Variants in PDE4D observed in about 807,000 individuals in gnomAD.
PDE4D encodes the protein phosphodiesterase 4D, also known as 3',5'-cyclic-AMP phosphodiesterase 4D.
A neutral mutation model predicts 87.4 loss-of-function variants in PDE4D; 24 were observed. The observed-to-expected ratio is 0.27, with a 90% CI of 0.20 to 0.39. The LOEUF is 0.39. Among genes scored for constraint, PDE4D ranks in the 10% least tolerant of loss-of-function variants. PDE4D has a pLI of 1.00. For synonymous variants in PDE4D, 384 were observed against 383.2 expected (o/e 1.00, Z -0.02); for missense variants, 714 against 1,041.0 (o/e 0.69, Z 4.32).
rs1403879897 is a variant in PDE4D, at chr5:59,399,909, A to G, written c.456-183941T>C. Among the ~76,000 whole-genome samples, 4 of 112,930 alleles carry G rather than the reference A, an allele frequency of 3.5e-5. 2 individuals carry two copies. Among genetic ancestry groups the G allele is most frequent in the South Asian group, 6.5e-4 (2 of 3,072 alleles). 74.1% of individuals were successfully genotyped at this position (112,930 alleles called of 152,430 possible). A position where few individuals can be genotyped will look rare whatever the true frequency, so the allele number is the denominator to read the frequency against. On this transcript the variant is annotated intron_variant, in intron 1 of 14. Coordinates refer to ENST00000340635, the MANE Select transcript of PDE4D (RefSeq NM_001104631.2). ...AAGAAAAAAACAAATAACCCCATCA[A>G]AAAGTGGGCGAAGGACATGAACAGA...
At chr5:60,418,242 A>G (rs868419226) in intron 1 of PDE4D, among the ~76,000 whole-genome samples, 13 of 152,386 alleles carry the variant, frequency 8.5e-5, no homozygotes, top group Middle Eastern at 3.4e-3. Context: ...GAATTAATAA[A>G]GTTAGACTGT....
chr5:59,516,109 A>C (rs1284204234), intron 1 of PDE4D, among the ~76,000 whole-genome samples: 1 of 152,230 alleles, frequency 6.6e-6, no homozygotes. Flanking sequence ...ATCATCTGGG[A>C]CATTACTAGA....
intron 5 of PDE4D, among the ~76,000 whole-genome samples, chr5:59,178,296 T>G (rs1784204597): frequency 6.6e-6 from 1 of 152,200 alleles, no homozygotes; most frequent in African/African-American, 2.4e-5. Flanking sequence ...CATTTCCTGT[T>G]GTGCTTTGTG....
chr5:59,799,199 C>T (rs1018231688), intron 1 of PDE4D, among the ~76,000 whole-genome samples: 3 of 152,232 alleles, frequency 2.0e-5, no homozygotes, highest in African/African-American at 7.2e-5. Flanking sequence ...CCCCCAGCCC[C>T]TGCACTGTGC....
intron 5 of PDE4D, among the ~76,000 whole-genome samples, chr5:59,058,127 T>C (rs1762611734): frequency 6.6e-6 from 1 of 152,188 alleles, no homozygotes; most frequent in Admixed American, 6.6e-5. Flanking sequence ...ATCCAATAAA[T>C]GTTTGTTGAA....
At chr5:60,220,516 G>T (rs1473257991) in intron 1 of PDE4D, among the ~76,000 whole-genome samples, 1 of 152,026 alleles carries the variant, frequency 6.6e-6, no homozygotes, top group Non-Finnish European at 1.5e-5. Context: ...GGTCTAGTAA[G>T]GCCTAGATAT....
At chr5:59,509,841 TATA>T (rs1224370248) in intron 1 of PDE4D, among the ~76,000 whole-genome samples, 1 of 147,720 alleles carries the variant, frequency 6.8e-6, no homozygotes, top group African/African-American at 2.4e-5. Flanking sequence ...TTATAAACTT[TATA>T]ATTTTATATT....
chr5:59,945,155 G>A (rs1168249533), intron 3 of PDE4D, among the ~76,000 whole-genome samples: 3 of 152,188 alleles, frequency 2.0e-5, no homozygotes, highest in Non-Finnish European at 4.4e-5. Context: ...AAGTAGTTTA[G>A]TTAATTTTTC....
intron 1 of PDE4D, among the ~76,000 whole-genome samples, chr5:59,320,984 A>G (rs116123524): frequency 3.1e-3 from 475 of 152,228 alleles, no homozygotes; most frequent in Middle Eastern, 0.017. Context: ...AAAGTATTCA[A>G]TTTCTAAAGT....
At chr5:59,771,458 A>AAAGAGAGAG (rs1763459485) in intron 1 of PDE4D, among the ~76,000 whole-genome samples, 4 of 78,882 alleles carry the variant, frequency 5.1e-5, no homozygotes, top group African/African-American at 2.4e-4. Flanking sequence ...AGAAAGAAAG[A>AAAGAGAGAG]AAGAAAGAAA....
intron 1 of PDE4D, among the ~76,000 whole-genome samples, chr5:59,799,887 G>A (rs1308247906): frequency 6.6e-6 from 1 of 152,170 alleles, no homozygotes; most frequent in Non-Finnish European, 1.5e-5. Context: ...TGGCAGCACA[G>A]GTCTTTAAGT....
chr5:59,374,702 C>T (rs1316125646), intron 1 of PDE4D, among the ~76,000 whole-genome samples: 1 of 152,086 alleles, frequency 6.6e-6, no homozygotes, highest in Non-Finnish European at 1.5e-5. Flanking sequence ...AAGTCTCCAC[C>T]CCAAAACAAC....
At chr5:59,535,058 T>C (rs543033568) in intron 1 of PDE4D, among the ~76,000 whole-genome samples, 42 of 110,264 alleles carry the variant, frequency 3.8e-4, no homozygotes, top group African/African-American at 1.3e-3. Context: ...TGTGCTTAGA[T>C]TGGTGTGTGT....
At chr5:59,037,718 T>G (rs1424353249) in intron 6 of PDE4D, among the ~76,000 whole-genome samples, 1 of 152,126 alleles carries the variant, frequency 6.6e-6, no homozygotes, top group Non-Finnish European at 1.5e-5. Context: ...AACTTTTCAC[T>G]TGACAATGCT....
chr5:60,240,940 A>G (rs192443858), intron 1 of PDE4D, among the ~76,000 whole-genome samples: 10 of 152,244 alleles, frequency 6.6e-5, no homozygotes, highest in Admixed American at 2.6e-4. Flanking sequence ...GAAGATGACA[A>G]TACCTAACTC....
chr5:59,165,016 C>A (rs1259523941), intron 5 of PDE4D: 1 of 151,890 alleles, frequency 6.6e-6, no homozygotes, highest in East Asian at 1.9e-4. Flanking sequence ...ACTGAGTTCT[C>A]AGGGATACAT....
intron 6 of PDE4D, chr5:58,999,914 A>G: frequency 2.0e-6 from 2 of 986,086 alleles, no homozygotes; most frequent in Non-Finnish European, 2.4e-6. Context: ...TCCTGTCAAA[A>G]GCTACCAAAT....
At chr5:59,715,630 A>C (rs925783561) in intron 1 of PDE4D, among the ~76,000 whole-genome samples, 13 of 152,236 alleles carry the variant, frequency 8.5e-5, no homozygotes, top group African/African-American at 3.1e-4. Context: ...GTGGTTAGGC[A>C]CCTGGAAAAT....
intron 1 of PDE4D, among the ~76,000 whole-genome samples, chr5:59,789,642 CCTGAATG>C (rs1765565102): frequency 6.6e-6 from 1 of 152,058 alleles, no homozygotes; most frequent in Non-Finnish European, 1.5e-5. Flanking sequence ...AAAACTATGC[CCTGAATG>C]CATATAAATG....
Sources: gnomAD v4.1 joint callset for allele counts (sites outside exome capture counted in the v4.1 genomes callset) on GRCh38, gnomAD v4.1.1 for gene constraint, MANE v1.5 for transcripts, NCBI Gene and HGNC (gene_info 2026-07-23, HGNC 2026-07-21) for gene names.